Variants in P2RY8 observed in about 807,000 individuals in gnomAD.
P2RY8 encodes the protein S-geranylgeranyl-glutathione receptor P2RY8.
In P2RY8, 6 loss-of-function variants were observed where a neutral mutation model predicts 10.0. The observed-to-expected ratio is 0.60, with a 90% CI of 0.33 to 1.19. P2RY8 has a LOEUF of 1.19. P2RY8 is among the 50% of genes most tolerant of loss of function. The probability of loss-of-function intolerance (pLI) is 0.04; values close to 1 mark genes in which losing one functional copy is unlikely to be tolerated. For synonymous variants in P2RY8, 276 were observed against 252.5 expected (o/e 1.09, Z -0.88); for missense variants, 456 against 542.0 (o/e 0.84, Z 1.58).
At chrX:1,477,199 A>AAGAAGAAG (rs1569536788) in intron 1 of P2RY8, among the ~76,000 whole-genome samples, 25 of 148,364 alleles carry the variant, frequency 1.7e-4, no homozygotes, top group Admixed American at 5.4e-4. Context: ...AAAAAAAAAA[A>AAGAAGAAG]AAGAAGAAGA....
chrX:1,477,333 TATATCAATTATCTATCA>T (rs1236246645), intron 1 of P2RY8, among the ~76,000 whole-genome samples: 1 of 121,248 alleles, frequency 8.2e-6, no homozygotes, highest in Non-Finnish European at 1.8e-5. Context: ...ATCATCTATC[TATATCAATTATCTATCA>T]ATCGATCATC....
chrX:1,510,079 T>C (rs1292109853), intron 1 of P2RY8, among the ~76,000 whole-genome samples: 2 of 152,160 alleles, frequency 1.3e-5, no homozygotes. Context: ...ATCTATCATC[T>C]TTATACATCT....
chrX:1,467,765 C>T (rs1267956640), intron 1 of P2RY8, among the ~76,000 whole-genome samples: 5 of 152,366 alleles, frequency 3.3e-5, no homozygotes, highest in Non-Finnish European at 5.9e-5. Context: ...CAGCCTCCAA[C>T]GCCTGGCCTC....
rs773010824 is a variant in P2RY8 at position 1,535,241 on chromosome X, G to A, written c.-25+1680C>T. The stretch of plus-strand genomic sequence containing the variant: ...CTCACTCTGTCACCCAGGCTGGAGT[G>A]CAGTGGCGCGATCTTGGCTCACCGC... On this transcript the variant is annotated intron_variant, in intron 1 of 1. Transcript: ENST00000381297. Among the ~76,000 whole-genome samples the A allele has an allele frequency of 3.6e-5, 5 of 139,128 alleles. No homozygotes were observed. In the East Asian group the frequency reaches 1.0e-3, roughly 29 times the overall value. The allele number at this position is 139,128 out of a possible 152,430, so 91.3% of individuals were successfully genotyped here.
chrX:1,517,437 A>G (rs1181635684), intron 1 of P2RY8, among the ~76,000 whole-genome samples: 6 of 151,844 alleles, frequency 4.0e-5, no homozygotes, highest in African/African-American at 1.5e-4. Flanking sequence ...AACACCCCCA[A>G]CCTTGTCCGC....
intron 1 of P2RY8, among the ~76,000 whole-genome samples, chrX:1,484,217 T>G (rs2149386452): frequency 6.6e-6 from 1 of 152,256 alleles, no homozygotes; most frequent in South Asian, 2.1e-4. Context: ...CCCTCAGCTG[T>G]GACAAGCCTC....
At chrX:1,504,511 G>T (rs1194959553) in intron 1 of P2RY8, among the ~76,000 whole-genome samples, 3 of 152,046 alleles carry the variant, frequency 2.0e-5, no homozygotes, top group Non-Finnish European at 4.4e-5. Context: ...CTACCATAAG[G>T]ATCCCACGTG....
chrX:1,514,090 G>A (rs28465446), intron 1 of P2RY8, among the ~76,000 whole-genome samples: 16,447 of 152,090 alleles, frequency 0.11, 2,614 homozygotes, highest in African/African-American at 0.35. Context: ...ACTTGTGCCC[G>A]TTTTCCTTTA....
chrX:1,520,228 A>G (rs1184148423), intron 1 of P2RY8, among the ~76,000 whole-genome samples: 2 of 146,238 alleles, frequency 1.4e-5, no homozygotes, highest in Admixed American at 1.4e-4. Context: ...CATCTTTCTG[A>G]TCCCCAATAA....
In P2RY8 at chrX:1,519,432, A is replaced by C. The variant is rs564123123; in HGVS notation, c.-25+17489T>G. On this transcript the variant is annotated intron_variant, in intron 1 of 1. Transcript: ENST00000381297. ...TCCCTGCTCCCCAATATTCTCTCTG[A>C]TCTCCAATAATATCTCTGATCCCAA... 1.5e-4 allele frequency among the ~76,000 whole-genome samples: 22 copies of C among 148,990 alleles called. 1 individual carries two copies. The highest frequency in any genetic ancestry group is 4.2e-4 in the African/African-American group (17 of 40,302).
chrX:1,486,976 C>T (rs184197694), intron 1 of P2RY8, among the ~76,000 whole-genome samples: 26 of 152,354 alleles, frequency 1.7e-4, no homozygotes, highest in Admixed American at 7.8e-4. Flanking sequence ...GCCGAGCTTC[C>T]GCTTTTGGGG....
In P2RY8 at chrX:1,466,457, C is replaced by T; in HGVS notation, c.102G>A (p.Ala34=). The T allele has an allele frequency of 1.2e-6, 2 of 1,612,266 alleles. No individual in the cohort carries two copies. Among genetic ancestry groups the T allele is most frequent in the South Asian group, 1.1e-5 (1 of 91,014 alleles). Residue 34 remains alanine (A), a synonymous_variant, in exon 2 of 2, where the codon GCG becomes GCA. Transcript: ENST00000381297. ...VALPVVYSLV[A]AVSIPGNLFS... is the part of the protein sequence containing the mutation. ...AGAGGTTGCCCGGGATGCTGACCGC[C>T]GCCACCAGCGAGTACACCACGGGCA...
At chrX:1,501,020 G>A (rs1484428556) in intron 1 of P2RY8, among the ~76,000 whole-genome samples, 3 of 152,172 alleles carry the variant, frequency 2.0e-5, no homozygotes, top group Non-Finnish European at 4.4e-5. Flanking sequence ...TCTCGGTTCT[G>A]TCCTGGGAGA....
intron 1 of P2RY8, among the ~76,000 whole-genome samples, chrX:1,535,755 C>T (rs1205582425): frequency 1.4e-5 from 2 of 144,648 alleles, no homozygotes; most frequent in Non-Finnish European, 3.1e-5. Context: ...ACACACAAAC[C>T]CTTTTCTTTT....
rs1178643274 is a variant in P2RY8 at position 1,536,936 on chromosome X, G to T, written c.-40C>A. ...GGCGGCTCACCTGTGCAGAAGCAGC[G>T]GCAGAAGTAGCAGGTGAGAGCTCAG... is the stretch of plus-strand genomic sequence containing the variant. On this transcript the variant is annotated 5_prime_UTR_variant, in exon 1 of 2. Coordinates refer to ENST00000381297, the MANE Select transcript of P2RY8 (RefSeq NM_178129.5). The T allele has an allele frequency of 4.4e-6, 1 of 227,880 alleles. No homozygotes were observed. Among genetic ancestry groups the T allele is most frequent in the Non-Finnish European group, 8.7e-6 (1 of 114,844 alleles). 14.1% of individuals were successfully genotyped at this position (227,880 alleles called of 1,614,324 possible).
intron 1 of P2RY8, among the ~76,000 whole-genome samples, chrX:1,480,296 CTT>C (rs10715183): frequency 2.3e-4 from 34 of 147,252 alleles, no homozygotes; most frequent in Middle Eastern, 3.4e-3. Flanking sequence ...TCTTTTCTTT[CTT>C]TTTTTTTTTT....
intron 1 of P2RY8, among the ~76,000 whole-genome samples, chrX:1,468,562 G>A (rs2091726013): frequency 2.0e-5 from 3 of 152,120 alleles, no homozygotes; most frequent in South Asian, 2.1e-4. Flanking sequence ...GGGCCCCGCC[G>A]GGGCTCAGCG....
rs2091655868 is a variant in P2RY8 at position 1,465,546 on chromosome X, C to CCGGCCT, written c.1007_1012dup (p.Glu336_Ala337dup). ...TCCCTCCATCCCTTCAGGGTGCGCA[C>CCGGCCT]CGGCCTCGGAGCGCACGGACGTGGT... is the stretch of plus-strand genomic sequence containing the variant. On this transcript the variant is annotated inframe_insertion, in exon 2 of 2. Coordinates refer to ENST00000381297, the MANE Select transcript of P2RY8 (RefSeq NM_178129.5). The CCGGCCT allele has an allele frequency of 1.9e-6, 3 of 1,612,110 alleles. No individual in the cohort carries two copies. The highest frequency in any genetic ancestry group is 1.1e-5 in the South Asian group (1 of 91,016).
At chrX:1,532,273 A>AACAC (rs1356026744) in intron 1 of P2RY8, among the ~76,000 whole-genome samples, 2 of 149,772 alleles carry the variant, frequency 1.3e-5, no homozygotes, top group Non-Finnish European at 3.0e-5. Context: ...CACACACACA[A>AACAC]ACACACACAC....
Sources: allele counts gnomAD v4.1 joint callset (sites outside exome capture counted in the v4.1 genomes callset), GRCh38; gene constraint gnomAD v4.1.1; transcripts MANE v1.5; gene names NCBI Gene and HGNC (gene_info 2026-07-23, HGNC 2026-07-21).